The following ST7L variants were observed in gnomAD, a reference collection of about 807,000 sequenced individuals.
ST7L encodes the protein suppression of tumorigenicity 7 like, also known as suppressor of tumorigenicity 7 protein-like.
In ST7L, 57 loss-of-function variants were observed where a neutral mutation model predicts 72.5. That is an observed-to-expected ratio of 0.79 (90% CI 0.64 to 0.98). The LOEUF (loss-of-function observed/expected upper bound fraction) is 0.98, where lower values mean the gene tolerates loss of function less well. Among genes scored for constraint, ST7L ranks in the 50% least tolerant of loss-of-function variants. The pLI is 0.00. For synonymous variants in ST7L, 221 were observed against 240.9 expected, an observed-to-expected ratio of 0.92 and a Z score of 0.77; for missense variants, 576 against 672.2, an observed-to-expected ratio of 0.86 and a Z score of 1.58.
At chr1:112,606,159 C>T (rs1262909160) in intron 3 of ST7L, among the ~76,000 whole-genome samples, 1 of 152,216 alleles carries the variant, frequency 6.6e-6, no homozygotes, top group Non-Finnish European at 1.5e-5. Flanking sequence ...TGTTCAACCA[C>T]ATCCCTACTA....
At chr1:112,566,532 C>T (rs1043137217) in intron 11 of ST7L, among the ~76,000 whole-genome samples, 34 of 151,926 alleles carry the variant, frequency 2.2e-4, no homozygotes, top group Non-Finnish European at 8.8e-5. Flanking sequence ...CTCCTGACCT[C>T]GTGATCCGCC....
At chr1:112,519,055 C>G (rs763101900), downstream of ST7L, among the ~76,000 whole-genome samples, 2 of 152,146 alleles carry the variant, frequency 1.3e-5, no homozygotes, top group Non-Finnish European at 2.9e-5. Context: ...CACAGCTCCA[C>G]AGTGTAGAAG....
At chr1:112,599,846 G>A (rs902599428) in intron 4 of ST7L, among the ~76,000 whole-genome samples, 1 of 151,958 alleles carries the variant, frequency 6.6e-6, no homozygotes, top group Admixed American at 6.6e-5. Flanking sequence ...TATAAACCAG[G>A]GGCCTAATAT....
At chr1:112,617,717 TCACACACACA>T (rs56216561) in intron 1 of ST7L, among the ~76,000 whole-genome samples, 54 of 126,488 alleles carry the variant, frequency 4.3e-4, no homozygotes, top group African/African-American at 1.8e-3. Context: ...TTTCTCTCTC[TCACACACACA>T]CACACACACA....
chr1:112,616,481 G>A (rs749982912), intron 2 of ST7L, among the ~76,000 whole-genome samples: 6 of 152,182 alleles, frequency 3.9e-5, no homozygotes, highest in Admixed American at 1.3e-4. Flanking sequence ...GGTGCCTCAC[G>A]CCTGTAATCC....
At chr1:112,575,206 T>G (rs539534599) in intron 11 of ST7L, among the ~76,000 whole-genome samples, 3 of 152,332 alleles carry the variant, frequency 2.0e-5, no homozygotes, top group Admixed American at 2.0e-4. Context: ...GCCACTGTAC[T>G]CCAGCTTGGG....
chr1:112,582,234 G>T (rs945351546), intron 8 of ST7L, 128 bp from the exon 9 acceptor site: 9 of 876,124 alleles, frequency 1.0e-5, no homozygotes, highest in African/African-American at 1.7e-5. Context: ...CCTTAAGAAA[G>T]GTACGTATAT....
chr1:112,559,009 C>T (rs1557977472), intron 11 of ST7L, among the ~76,000 whole-genome samples: 1 of 152,114 alleles, frequency 6.6e-6, no homozygotes, highest in African/African-American at 2.4e-5. Flanking sequence ...AAGAAAACTG[C>T]ATAATATTTA....
chr1:112,554,580 A>C (rs1222717199), intron 12 of ST7L, among the ~76,000 whole-genome samples: 1 of 152,222 alleles, frequency 6.6e-6, no homozygotes, highest in Non-Finnish European at 1.5e-5. Flanking sequence ...TCCTTAAAAA[A>C]TTAAACATAG....
At chr1:112,603,900 T>C (rs1392626699) in intron 3 of ST7L, among the ~76,000 whole-genome samples, 5 of 152,196 alleles carry the variant, frequency 3.3e-5, no homozygotes, top group Non-Finnish European at 7.4e-5. Flanking sequence ...CCTGAAGCCC[T>C]ATTTTCAATA....
At chr1:112,597,724 C>T (rs1019496358) in intron 5 of ST7L, among the ~76,000 whole-genome samples, 2 of 152,010 alleles carry the variant, frequency 1.3e-5, no homozygotes, top group Non-Finnish European at 2.9e-5. Context: ...AAAGTAGTTG[C>T]TATATTTGAT....
At chr1:112,577,222 CAAAAAA>C (rs879471946) in intron 10 of ST7L, 134 bp from the exon 11 acceptor site, 5 of 302,806 alleles carry the variant, frequency 1.7e-5, no homozygotes, top group African/African-American at 1.3e-4. Context: ...AGAGGACTAA[CAAAAAA>C]AAAAAAAAAA....
chr1:112,577,578 T>C (rs192085700), intron 10 of ST7L, among the ~76,000 whole-genome samples: 183 of 80,308 alleles, frequency 2.3e-3, no homozygotes, highest in African/African-American at 8.2e-3. Flanking sequence ...GGGTTCAACA[T>C]AGAAAAAACA....
intron 14 of ST7L, among the ~76,000 whole-genome samples, chr1:112,536,297 G>T (rs1052925927): frequency 3.3e-5 from 5 of 151,890 alleles, no homozygotes; most frequent in African/African-American, 1.2e-4. Flanking sequence ...ATTTAATAAA[G>T]AAGTATACAA....
At chr1:112,563,615 A>G (rs952541717) in intron 11 of ST7L, among the ~76,000 whole-genome samples, 1 of 152,168 alleles carries the variant, frequency 6.6e-6, no homozygotes, top group African/African-American at 2.4e-5. Flanking sequence ...TTCAACTATG[A>G]ACAATACATT....
Position 112,582,456 on chromosome 1 carries a change from T to C in ST7L, c.873A>G (p.Val291=), listed in dbSNP as rs1408994967. Residue 291 remains valine, a synonymous_variant, in exon 8 of 15, where the codon GTA becomes GTG. Transcript: ENST00000358039. The part of the protein sequence containing the change: ...HEAQLRRDTN[V]LVYIKRRLAM... ...CCAATCTTCTTTTAATATATACCAG[T>C]ACATTGGTATCTCTCCCTATTTAGA... is the stretch of plus-strand genomic sequence containing the variant. The C allele has an allele frequency of 3.1e-6, 5 of 1,601,004 alleles. No individual in the cohort carries two copies. The highest frequency in any genetic ancestry group is 4.3e-6 in the Non-Finnish European group (5 of 1,172,286).
chr1:112,571,095 G>A (rs1662037884), intron 11 of ST7L, among the ~76,000 whole-genome samples: 1 of 152,276 alleles, frequency 6.6e-6, no homozygotes. Flanking sequence ...GCTTGAACCC[G>A]GGAGGTGAAG....
intron 6 of ST7L, among the ~76,000 whole-genome samples, chr1:112,585,776 C>G (rs1664785826): frequency 6.6e-6 from 1 of 151,272 alleles, no homozygotes; most frequent in African/African-American, 2.4e-5. Context: ...CTAAATAAAA[C>G]ATTATTCAGA....
intron 6 of ST7L, among the ~76,000 whole-genome samples, chr1:112,584,366 A>C (rs188559627): frequency 1.3e-4 from 20 of 152,122 alleles, no homozygotes; most frequent in Admixed American, 3.9e-4. Context: ...AAAAAAAAAA[A>C]ACAAAATTTT....
Sources: gnomAD v4.1 joint callset for allele counts (sites outside exome capture counted in the v4.1 genomes callset) on GRCh38, gnomAD v4.1.1 for gene constraint, MANE v1.5 for transcripts, NCBI Gene and HGNC (gene_info 2026-07-23, HGNC 2026-07-21) for gene names.